The following ARHGEF3 variants were observed in gnomAD, a reference collection of about 807,000 sequenced individuals.
ARHGEF3 encodes the protein 59.8 kDA protein.
ARHGEF3 carries 28 observed loss-of-function variants against 63.2 expected under a neutral mutation model. The ratio of observed to expected loss-of-function variants is 0.44; its 90% confidence interval spans 0.33 to 0.61. ARHGEF3 has a LOEUF of 0.61. Among genes scored for constraint, ARHGEF3 ranks in the 20% least tolerant of loss-of-function variants. ARHGEF3 has a pLI of 0.03. For missense variants in ARHGEF3, 533 were observed against 659.3 expected (o/e 0.81, Z 2.10); for synonymous variants, 266 against 254.2 (o/e 1.05, Z -0.44).
At chr3:57,009,232 G>C (rs1205357702) in intron 2 of ARHGEF3, among the ~76,000 whole-genome samples, 3 of 152,136 alleles carry the variant, frequency 2.0e-5, no homozygotes, top group African/African-American at 7.2e-5. Context: ...GAACGCTCAA[G>C]AATGAACTAT....
chr3:56,761,747 G>C (rs1358798154), intron 2 of ARHGEF3, among the ~76,000 whole-genome samples: 1 of 152,166 alleles, frequency 6.6e-6, no homozygotes, highest in Non-Finnish European at 1.5e-5. Context: ...ACACTTTGCT[G>C]AAGGTCACAC....
intron 1 of ARHGEF3, among the ~76,000 whole-genome samples, chr3:57,064,880 G>A (rs1326917193): frequency 3.3e-5 from 5 of 152,126 alleles, no homozygotes; most frequent in Admixed American, 6.6e-5. Context: ...ATCAGTATAC[G>A]CAACACTACT....
At chr3:56,945,428 G>A (rs908424360) in intron 3 of ARHGEF3, among the ~76,000 whole-genome samples, 2 of 152,186 alleles carry the variant, frequency 1.3e-5, no homozygotes, top group Non-Finnish European at 2.9e-5. Flanking sequence ...CTAATACTGA[G>A]CTTTTCCAAC....
chr3:56,787,718 G>GATAATA (rs58762340), intron 1 of ARHGEF3, among the ~76,000 whole-genome samples: 2,189 of 150,880 alleles, frequency 0.015, 52 homozygotes, highest in African/African-American at 0.05. Flanking sequence ...AACTTCCTCT[G>GATAATA]ATAATAATAA....
At chr3:56,834,746 CAA>C (rs763133636) in intron 4 of ARHGEF3, among the ~76,000 whole-genome samples, 37 of 69,766 alleles carry the variant, frequency 5.3e-4, no homozygotes, top group East Asian at 2.7e-3. Flanking sequence ...CTCTGACTTA[CAA>C]AAAAAAAAAA....
At chr3:56,985,725 C>A (rs13079044) in intron 2 of ARHGEF3, among the ~76,000 whole-genome samples, 1 of 152,104 alleles carries the variant, frequency 6.6e-6, no homozygotes, top group East Asian at 1.9e-4. Flanking sequence ...GATCCCCTCA[C>A]GCACATTCAC....
At chr3:56,900,037 G>A (rs780718903) in intron 3 of ARHGEF3, among the ~76,000 whole-genome samples, 6 of 152,258 alleles carry the variant, frequency 3.9e-5, no homozygotes, top group Non-Finnish European at 7.4e-5. Context: ...TTTTTGGGAG[G>A]GGAGAGAGTG....
chr3:56,858,342 A>AT (rs1381936666), intron 4 of ARHGEF3, among the ~76,000 whole-genome samples: 1 of 151,320 alleles, frequency 6.6e-6, no homozygotes, highest in Non-Finnish European at 1.5e-5. Context: ...AGCTGAGTAC[A>AT]TTTTTCCAGG....
At chr3:56,853,709 C>T (rs982314788) in intron 4 of ARHGEF3, among the ~76,000 whole-genome samples, 2 of 152,220 alleles carry the variant, frequency 1.3e-5, no homozygotes, top group Non-Finnish European at 2.9e-5. Context: ...TATAACACCT[C>T]TTCCACAAGC....
chr3:56,842,470 T>C (rs968974518), intron 4 of ARHGEF3, among the ~76,000 whole-genome samples: 3 of 152,238 alleles, frequency 2.0e-5, no homozygotes, highest in African/African-American at 4.8e-5. Context: ...CTAGCTTCTA[T>C]AGACTGCTTC....
chr3:56,877,728 A>T (rs1272772587), intron 4 of ARHGEF3, among the ~76,000 whole-genome samples: 5 of 152,176 alleles, frequency 3.3e-5, no homozygotes, highest in Non-Finnish European at 1.5e-5. Context: ...TTAAAAATAT[A>T]TATGCTCTTT....
intron 1 of ARHGEF3, among the ~76,000 whole-genome samples, chr3:56,793,981 C>T (rs2107931601): frequency 6.6e-6 from 1 of 152,204 alleles, no homozygotes; most frequent in South Asian, 2.1e-4. Flanking sequence ...GTTTTTCAGG[C>T]ACACTAAAGA....
chr3:56,802,186 C>T (rs1180391584), upstream of ARHGEF3, among the ~76,000 whole-genome samples: 2 of 152,202 alleles, frequency 1.3e-5, no homozygotes, highest in African/African-American at 4.8e-5. Context: ...GATTGCGGGG[C>T]AGGCAGACCC....
At chr3:56,880,656 G>T in intron 4 of ARHGEF3, among the ~76,000 whole-genome samples, 1 of 152,108 alleles carries the variant, frequency 6.6e-6, no homozygotes, top group Admixed American at 6.5e-5. Context: ...TACATACATG[G>T]TGGCTAAGGG....
intron 2 of ARHGEF3, among the ~76,000 whole-genome samples, chr3:57,015,753 T>C (rs923710198): frequency 1.3e-5 from 2 of 152,066 alleles, no homozygotes; most frequent in African/African-American, 4.8e-5. Flanking sequence ...TAAAATTCTT[T>C]TTCTTGAAAA....
rs9631509 is a variant in ARHGEF3, at chr3:56,801,607, A to G, written c.96+96T>C. On this transcript the variant is annotated intron_variant, in intron 1 of 9. Transcript: ENST00000296315. ...CACGGAGAGTGAGAGATGGAAACAG[A>G]GACAGTGACACTGGACGGGCGCCGA... is the stretch of plus-strand genomic sequence containing the variant. The G allele has an allele frequency of 4.1e-3, 5,832 of 1,435,140 alleles. 184 individuals carry two copies. In the African/African-American group the frequency reaches 0.072, roughly 18 times the overall value. The allele number at this position is 1,435,140 out of a possible 1,614,324, so 88.9% of individuals were successfully genotyped here. A position where few individuals can be genotyped will look rare whatever the true frequency, so the allele number is the denominator to read the frequency against.
At chr3:56,800,706 T>C (rs1314517486) in intron 1 of ARHGEF3, among the ~76,000 whole-genome samples, 1 of 152,216 alleles carries the variant, frequency 6.6e-6, no homozygotes, top group Admixed American at 6.5e-5. Flanking sequence ...GCCTTCAGCC[T>C]TTCCCCAGTG....
intron 2 of ARHGEF3, among the ~76,000 whole-genome samples, chr3:57,011,148 G>A (rs1226570327): frequency 6.6e-6 from 1 of 152,184 alleles, no homozygotes; most frequent in Non-Finnish European, 1.5e-5. Flanking sequence ...GTGAAACTGG[G>A]ACCGGAATGC....
chr3:56,965,317 A>C lies in ARHGEF3; in HGVS notation c.63-6428T>G, dbSNP rs557720625. Among the ~76,000 whole-genome samples the C allele has an allele frequency of 8.5e-5, 13 of 152,322 alleles. No individual in the cohort carries two copies. In the South Asian group the frequency reaches 2.3e-3, roughly 27 times the overall value. On this transcript the variant is annotated intron_variant, in intron 2 of 12. Coordinates refer to the ARHGEF3 transcript ENST00000338458. ...ATAGTTTTATGGCATTAAATTTGAA[A>C]ACTTAAAGAAAATGCAGAAATCCCT...
Sources: allele counts gnomAD v4.1 joint callset (sites outside exome capture counted in the v4.1 genomes callset), GRCh38; gene constraint gnomAD v4.1.1; transcripts MANE v1.5; gene names NCBI Gene and HGNC (gene_info 2026-07-23, HGNC 2026-07-21).